XRN1: variants seen among roughly 807,000 people sequenced by gnomAD.
XRN1 encodes strand-exchange protein 1 homolog.
A neutral mutation model predicts 222.3 loss-of-function variants in XRN1; 67 were observed. That is an observed-to-expected ratio of 0.30 (90% confidence interval 0.25 to 0.37). The LOEUF (loss-of-function observed/expected upper bound fraction) is 0.37, where lower values mean the gene tolerates loss of function less well. XRN1 is among the 10% of genes least tolerant of loss of function. The pLI, the probability that XRN1 is intolerant of heterozygous loss-of-function variation, is 1.00. For synonymous variants in XRN1, 643 were observed against 652.4 expected (o/e 0.99, Z 0.22); for missense variants, 1,707 against 2,000.2 (o/e 0.85, Z 2.80).
chr3:142,401,149 T>C (rs1416634985), intron 18 of XRN1, among the ~76,000 whole-genome samples: 1 of 152,142 alleles, frequency 6.6e-6, no homozygotes, highest in Admixed American at 6.5e-5. Flanking sequence ...CTCATTTCAG[T>C]TTATGGCTGG....
At chr3:142,417,955 C>T (rs2108089659) in intron 12 of XRN1, 1 of 152,260 alleles carries the variant, frequency 6.6e-6, no homozygotes, top group Non-Finnish European at 1.5e-5. Flanking sequence ...CATCTTATAG[C>T]CATCACTTTT....
intron 1 of XRN1, among the ~76,000 whole-genome samples, chr3:142,441,413 T>C (rs1406470170): frequency 1.3e-5 from 2 of 152,286 alleles, no homozygotes; most frequent in Admixed American, 6.5e-5. Flanking sequence ...AGCTTGCCAA[T>C]AGGGCAAGAC....
At chr3:142,350,265 AG>A in intron 32 of XRN1, among the ~76,000 whole-genome samples, 1 of 152,246 alleles carries the variant, frequency 6.6e-6, no homozygotes. Context: ...TGTATACATG[AG>A]GACACAGAAG....
At position 142,332,959 on chromosome 3, in the gene XRN1, A is replaced by T; in HGVS notation, c.4062+8T>A. ...ACCACAGTAAGAAAGTTCCTACAAA[A>T]TACGAACCATGGCAAATGACTGTGG... On this transcript the variant is annotated splice_region_variant and intron_variant, in intron 35 of 40. Coordinates refer to ENST00000392981, the MANE Select transcript of XRN1 (RefSeq NM_001282857.2). The T allele has an allele frequency of 1.2e-5, 19 of 1,612,756 alleles. No homozygotes were observed. The highest frequency in any genetic ancestry group is 1.5e-5 in the Non-Finnish European group (18 of 1,179,456).
intron 20 of XRN1, among the ~76,000 whole-genome samples, chr3:142,396,084 G>A (rs1299452785): frequency 1.3e-5 from 2 of 152,128 alleles, no homozygotes; most frequent in African/African-American, 2.4e-5. Flanking sequence ...CATAAGTGTA[G>A]GAACTGTGTG....
chr3:142,316,305 C>G (rs2107857258), intron 39 of XRN1, among the ~76,000 whole-genome samples: 1 of 150,900 alleles, frequency 6.6e-6, no homozygotes, highest in South Asian at 2.1e-4. Flanking sequence ...CAGCCTTGAC[C>G]TCCCAGGCTC....
rs2065124660 is a variant in XRN1 at position 142,313,287 on chromosome 3, C to T, written c.4622-529G>A. The stretch of plus-strand genomic sequence containing the variant: ...TGAAGTCAAGGCCTTTTTTCACTTA[C>T]AGTTTGTTTATTAAAAATGTAATGA... On this transcript the variant is annotated intron_variant, in intron 39 of 40. Coordinates refer to ENST00000392981, the MANE Select transcript of XRN1 (RefSeq NM_001282857.2). 4.2e-6 allele frequency: 5 copies of T among 1,192,122 alleles called. No individual in the cohort carries two copies. The South Asian group carries it at 5.6e-5, about 13-fold the overall frequency. 73.8% of individuals were successfully genotyped at this position (1,192,122 alleles called of 1,614,324 possible). A position where few individuals can be genotyped will look rare whatever the true frequency, so the allele number is the denominator to read the frequency against.
At chr3:142,418,440 T>C in intron 12 of XRN1, 64 bp downstream of exon 12, 1 of 1,333,200 alleles carries the variant, frequency 7.5e-7, no homozygotes, top group East Asian at 2.4e-5. Flanking sequence ...AAAATCATAT[T>C]TTCTGAATAA....
chr3:142,421,860 C>G (rs756165993), intron 8 of XRN1, among the ~76,000 whole-genome samples: 1 of 152,144 alleles, frequency 6.6e-6, no homozygotes, highest in Non-Finnish European at 1.5e-5. Flanking sequence ...AACTTAAGGA[C>G]TGATGTTCTG....
chr3:142,398,924 A>T lies in XRN1; in HGVS notation c.2208-1464T>A, dbSNP rs372297680. Among the ~76,000 whole-genome samples the T allele has an allele frequency of 4.6e-5, 7 of 152,294 alleles. No individual in the cohort carries two copies. The East Asian group carries it at 7.7e-4, about 17-fold the overall frequency. On this transcript the variant is annotated intron_variant, in intron 19 of 40. Coordinates refer to ENST00000392981, the MANE Select transcript of XRN1 (RefSeq NM_001282857.2). ...ATTTTTATATACTAGCAGGGGAAAC[A>T]AATTTAAAACATAATACCATTCATA...
At chr3:142,336,604 A>G (rs1376042553) in intron 33 of XRN1, among the ~76,000 whole-genome samples, 1 of 151,604 alleles carries the variant, frequency 6.6e-6, no homozygotes, top group East Asian at 1.9e-4. Flanking sequence ...AAGAGAAGGA[A>G]TAGAGAGAGA....
At chr3:142,431,849 ATATATATTATATATAATATATTATATT>A (rs2069546120) in intron 2 of XRN1, among the ~76,000 whole-genome samples, 1 of 38,264 alleles carries the variant, frequency 2.6e-5, no homozygotes, top group Non-Finnish European at 4.5e-5. Flanking sequence ...ATTAAAAAAT[ATATATATTATATATAATATATTATATT>A]ATATATATTA....
Position 142,359,874 on chromosome 3 carries a change from C to T in XRN1, c.3452G>A (p.Gly1151Glu), listed in dbSNP as rs1337078590. Residue 1151 changes from glycine to glutamate, a missense_variant, in exon 30 of 41, where the codon GGG becomes GAG. By Grantham distance (98) the Gly-to-Glu change is moderately conservative. Coordinates refer to ENST00000392981, the MANE Select transcript of XRN1 (RefSeq NM_001282857.2). ...GGGAAATACAAACCTTATTGTTAACCCTCCAGGAAATTCTTCATCAAATAA... is the reference window on the plus strand; with the variant it reads ...GGGAAATACAAACCTTATTGTTAACTCTCCAGGAAATTCTTCATCAAATAA... ...EVLFDEEFPG[G>E]LTIRCSPGRG... The T allele has an allele frequency of 6.2e-7, 1 of 1,603,754 alleles. No individual in the cohort carries two copies. Among genetic ancestry groups the T allele is most frequent in the Admixed American group, 1.7e-5 (1 of 59,100 alleles).
chr3:142,408,081 C>T (rs2068416156), intron 15 of XRN1, among the ~76,000 whole-genome samples: 1 of 152,232 alleles, frequency 6.6e-6, no homozygotes, highest in Admixed American at 6.5e-5. Flanking sequence ...ACAGTTCACA[C>T]ACCGCTGTCT....
Position 142,447,607 on chromosome 3 carries a change from G to A in XRN1, c.75+263C>T, listed in dbSNP as rs2070579882. On this transcript the variant is annotated intron_variant, in intron 1 of 40. Coordinates refer to ENST00000392981, the MANE Select transcript of XRN1 (RefSeq NM_001282857.2). The surrounding 1 kb of genome is among the most constrained non-coding windows in gnomAD (Gnocchi z 4.2). ...GCGTTCTTTCCCAGGACTTCATTTC[G>A]GAGTCGCGGAAGGACCAGCAGAAGC... Among the ~76,000 whole-genome samples, 1 of 152,206 alleles carries A rather than the reference G, an allele frequency of 6.6e-6. No individual in the cohort carries two copies. The highest frequency in any genetic ancestry group is 6.5e-5 in the Admixed American group (1 of 15,280).
intron 34 of XRN1, among the ~76,000 whole-genome samples, 190 bp from the exon 35 acceptor site, chr3:142,333,279 C>A (rs759401755): frequency 6.6e-6 from 1 of 152,088 alleles, no homozygotes; most frequent in Non-Finnish European, 1.5e-5. Flanking sequence ...CCAGTCACAA[C>A]CTTTTGGGTT....
At chr3:142,336,080 A>T (rs1178490831) in intron 33 of XRN1, among the ~76,000 whole-genome samples, 1 of 152,160 alleles carries the variant, frequency 6.6e-6, no homozygotes, top group African/African-American at 2.4e-5. Flanking sequence ...TTAAGGGGAA[A>T]TTGGGGGATG....
In XRN1 at chr3:142,447,567, C is replaced by G. The variant is rs1255380714; in HGVS notation, c.75+303G>C. ...AACTTGCAGCTCCCCGGGAGGAAAC[C>G]GGAGAACAGTAAAAGCGTTCTTTCC... On this transcript the variant is annotated intron_variant, in intron 1 of 40. Transcript: ENST00000392981. This position sits in a 1 kb window ranked among gnomAD's most constrained non-coding sequence, Gnocchi z 4.2. Among the ~76,000 whole-genome samples, 1 of 152,180 alleles carries G rather than the reference C, an allele frequency of 6.6e-6. No homozygotes were observed. Among genetic ancestry groups the G allele is most frequent in the Non-Finnish European group, 1.5e-5 (1 of 68,032 alleles).
chr3:142,318,693 C>G lies in XRN1; in HGVS notation c.4520G>C (p.Gly1507Ala), dbSNP rs377362157. The change falls in exon 39 of 41, where the codon GGC (glycine) becomes GCC (alanine). Residue 1507 changes from glycine to alanine, a missense_variant and splice_region_variant. Transcript: ENST00000392981. The stretch of plus-strand genomic sequence containing the variant: ...CAAAGGGAAATTCATGCCTAAGGAG[C>G]CCTGTGGAAGTATTTAAAAGTTACA... Reference protein sequence around the residue: ...KAALFALQQLGSLGMNFPLPS... With the variant: ...KAALFALQQLASLGMNFPLPS... 2 of 1,609,350 alleles carry G rather than the reference C, an allele frequency of 1.2e-6. No homozygotes were observed. Among genetic ancestry groups the G allele is most frequent in the Non-Finnish European group, 1.7e-6 (2 of 1,177,814 alleles).
Sources: gnomAD v4.1 joint callset for allele counts (sites outside exome capture counted in the v4.1 genomes callset) on GRCh38, gnomAD v4.1.1 for gene constraint, Gnocchi (gnomAD v3.1) non-coding constraint, MANE v1.5 for transcripts, NCBI Gene and HGNC (gene_info 2026-07-23, HGNC 2026-07-21) for gene names.